ARHGAP44: variants seen among roughly 807,000 people sequenced by gnomAD.
ARHGAP44 encodes rho GTPase-activating protein 44.
A neutral mutation model predicts 106.8 loss-of-function variants in ARHGAP44; 43 were observed. The observed-to-expected ratio is 0.40, with a 90% confidence interval of 0.32 to 0.52. The LOEUF is 0.52. Among genes scored for constraint, ARHGAP44 ranks in the 20% least tolerant of loss-of-function variants. ARHGAP44 has a pLI of 0.48. For missense variants in ARHGAP44, 866 were observed against 1,050.5 expected (o/e 0.82, Z 2.43); for synonymous variants, 439 against 410.3 (o/e 1.07, Z -0.85).
At chr17:12,845,880 C>A (rs2035556302) in intron 1 of ARHGAP44, among the ~76,000 whole-genome samples, 1 of 152,184 alleles carries the variant, frequency 6.6e-6, no homozygotes, top group African/African-American at 2.4e-5. Flanking sequence ...CAGTGGAATA[C>A]CTATTCTGGG....
chr17:12,795,975 C>CT (rs1274019153), intron 1 of ARHGAP44, among the ~76,000 whole-genome samples: 1 of 152,028 alleles, frequency 6.6e-6, no homozygotes, highest in Non-Finnish European at 1.5e-5. Context: ...ATTCAATTTA[C>CT]TTTTTTTAAC....
At chr17:12,888,465 C>G (rs2036945731) in intron 1 of ARHGAP44, among the ~76,000 whole-genome samples, 1 of 152,094 alleles carries the variant, frequency 6.6e-6, no homozygotes, top group South Asian at 2.1e-4. Flanking sequence ...ATATGACTTT[C>G]ATTCTTTCAA....
chr17:12,854,981 A>AAG (rs2035865997), intron 1 of ARHGAP44, among the ~76,000 whole-genome samples: 2 of 150,862 alleles, frequency 1.3e-5, no homozygotes, highest in African/African-American at 4.9e-5. Flanking sequence ...AAAAAAAAAA[A>AAG]AGAAGCAGTG....
intron 1 of ARHGAP44, among the ~76,000 whole-genome samples, chr17:12,844,427 C>T (rs759025271): frequency 2.5e-4 from 38 of 152,284 alleles, no homozygotes; most frequent in Middle Eastern, 3.4e-3. Context: ...GCAATAACAA[C>T]GTTAATTCGT....
At chr17:12,845,032 G>A (rs60959465) in intron 1 of ARHGAP44, among the ~76,000 whole-genome samples, 44,785 of 151,938 alleles carry the variant, frequency 0.29, 9,805 homozygotes, top group African/African-American at 0.62. Flanking sequence ...ATCAGTATTG[G>A]GAGCCTCTGT....
intron 1 of ARHGAP44, among the ~76,000 whole-genome samples, chr17:12,850,021 G>A (rs78317967): frequency 0.011 from 1,643 of 152,260 alleles, 38 homozygotes; most frequent in East Asian, 0.07. Flanking sequence ...AGGGCAGCAG[G>A]TTCTCTTTGG....
At chr17:12,825,108 T>C (rs1259279705) in intron 1 of ARHGAP44, among the ~76,000 whole-genome samples, 1 of 152,016 alleles carries the variant, frequency 6.6e-6, no homozygotes, top group African/African-American at 2.4e-5. Context: ...TGATCACAGC[T>C]CTCTATAGCC....
intron 1 of ARHGAP44, among the ~76,000 whole-genome samples, chr17:12,840,597 A>AG (rs891142179): frequency 2.0e-5 from 3 of 152,138 alleles, no homozygotes; most frequent in African/African-American, 7.2e-5. Context: ...AGGGTGACTG[A>AG]GGAGAGGTAT....
intron 1 of ARHGAP44, among the ~76,000 whole-genome samples, chr17:12,827,338 C>T (rs74831396): frequency 0.013 from 2,043 of 152,112 alleles, 40 homozygotes; most frequent in African/African-American, 0.045. Context: ...CAGTCTAATG[C>T]GTCTAATTGC....
chr17:12,913,193 C>T (rs1382591260), intron 4 of ARHGAP44, among the ~76,000 whole-genome samples: 1 of 151,992 alleles, frequency 6.6e-6, no homozygotes, highest in Admixed American at 6.5e-5. Flanking sequence ...AATTAGCACA[C>T]AAAACTCATA....
intron 3 of ARHGAP44, among the ~76,000 whole-genome samples, chr17:12,905,377 A>AT (rs2037517986): frequency 6.6e-6 from 1 of 152,172 alleles, no homozygotes; most frequent in African/African-American, 2.4e-5. Context: ...TGATGAGAAA[A>AT]TGTAGCTTCC....
chr17:12,981,885 T>A (rs926453272), intron 19 of ARHGAP44, among the ~76,000 whole-genome samples: 1 of 151,844 alleles, frequency 6.6e-6, no homozygotes, highest in Non-Finnish European at 1.5e-5. Context: ...GTGGTGGGCG[T>A]CTGTAATCCC....
chr17:12,849,232 T>TGTGTGC (rs1555546985), intron 1 of ARHGAP44, among the ~76,000 whole-genome samples: 2 of 151,746 alleles, frequency 1.3e-5, no homozygotes, highest in African/African-American at 4.8e-5. Flanking sequence ...TGTGTGTGTG[T>TGTGTGC]GCGCACACAC....
intron 16 of ARHGAP44, among the ~76,000 whole-genome samples, chr17:12,968,136 C>T (rs924052413): frequency 1.3e-5 from 2 of 152,202 alleles, no homozygotes; most frequent in Non-Finnish European, 2.9e-5. Context: ...GTGACATCCT[C>T]ATGTTTTTAA....
intron 1 of ARHGAP44, among the ~76,000 whole-genome samples, chr17:12,885,557 G>C (rs1891511271): frequency 6.6e-6 from 1 of 152,054 alleles, no homozygotes; most frequent in Non-Finnish European, 1.5e-5. Flanking sequence ...GTGTGTGTGT[G>C]TTGTCACTCA....
intron 1 of ARHGAP44, among the ~76,000 whole-genome samples, chr17:12,867,288 T>A (rs1384114656): frequency 6.6e-6 from 1 of 152,134 alleles, no homozygotes; most frequent in Non-Finnish European, 1.5e-5. Context: ...TCTTCTCCTG[T>A]CTCACGGAGG....
chr17:12,891,925 A>G (rs2037060290), intron 1 of ARHGAP44, among the ~76,000 whole-genome samples: 1 of 151,582 alleles, frequency 6.6e-6, no homozygotes, highest in African/African-American at 2.4e-5. Flanking sequence ...CCTCCTCAGT[A>G]GCTGGGATTG....
intron 1 of ARHGAP44, among the ~76,000 whole-genome samples, chr17:12,877,088 T>A (rs1252539223): frequency 6.6e-6 from 1 of 152,170 alleles, no homozygotes; most frequent in Non-Finnish European, 1.5e-5. Context: ...CTTATTTATC[T>A]GAAATTGTTT....
At chr17:12,803,448 C>T (rs2034181631) in intron 1 of ARHGAP44, among the ~76,000 whole-genome samples, 1 of 151,994 alleles carries the variant, frequency 6.6e-6, no homozygotes, top group African/African-American at 2.4e-5. Flanking sequence ...CCAGTTGGCT[C>T]CTATGAATCC....
Sources: allele counts gnomAD v4.1 joint callset (sites outside exome capture counted in the v4.1 genomes callset), GRCh38; gene constraint gnomAD v4.1.1; transcripts MANE v1.5; gene names NCBI Gene and HGNC (gene_info 2026-07-23, HGNC 2026-07-21).